The following NELL2 variants were observed in gnomAD, a reference collection of about 807,000 sequenced individuals.
NELL2 encodes neural EGFL like 2, also known as protein kinase C-binding protein NELL2.
In NELL2, 41 loss-of-function variants were observed where a neutral mutation model predicts 109.6. The ratio of observed to expected loss-of-function variants is 0.37; its 90% CI spans 0.29 to 0.49. NELL2 has a LOEUF of 0.49. Among genes scored for constraint, NELL2 ranks in the 20% least tolerant of loss-of-function variants. The pLI is 0.98. For missense variants in NELL2, 900 were observed against 1,008.3 expected, an observed-to-expected ratio of 0.89 and a Z score of 1.45; for synonymous variants, 355 against 344.7, an observed-to-expected ratio of 1.03 and a Z score of -0.33.
At chr12:44,772,776 G>A (rs933608845) in intron 9 of NELL2, among the ~76,000 whole-genome samples, 2 of 151,798 alleles carry the variant, frequency 1.3e-5, no homozygotes, top group African/African-American at 2.4e-5. Context: ...ATCTAATGAG[G>A]GCCTATGGCT....
chr12:44,523,504 G>A lies in NELL2; in HGVS notation c.1805-20C>T. The A allele has an allele frequency of 6.2e-7, 1 of 1,608,564 alleles. No homozygotes were observed. Among genetic ancestry groups the A allele is most frequent in the Non-Finnish European group, 8.5e-7 (1 of 1,178,414 alleles). On this transcript the variant is annotated intron_variant, in intron 16 of 19. Coordinates refer to ENST00000429094, the MANE Select transcript of NELL2 (RefSeq NM_001145108.2). ...CAATATCTATAGACAAGAAAAAGCA[G>A]CACTCAATGTGCTTAGAATATGTGC...
chr12:44,687,542 C>T (rs1435513251), intron 12 of NELL2, among the ~76,000 whole-genome samples: 7 of 152,200 alleles, frequency 4.6e-5, no homozygotes, highest in South Asian at 2.1e-4. Context: ...CTTTGGTGTT[C>T]GTGATAATCT....
At chr12:44,603,171 CT>C (rs1945281007) in intron 15 of NELL2, among the ~76,000 whole-genome samples, 1 of 151,854 alleles carries the variant, frequency 6.6e-6, no homozygotes, top group Non-Finnish European at 1.5e-5. Context: ...TCATCTTATG[CT>C]TTGATATGTG....
At chr12:44,861,042 A>G (rs1485308954) in intron 2 of NELL2, among the ~76,000 whole-genome samples, 1 of 152,208 alleles carries the variant, frequency 6.6e-6, no homozygotes, top group African/African-American at 2.4e-5. Flanking sequence ...CAATTAGAAC[A>G]ACTATCAACA....
intron 9 of NELL2, among the ~76,000 whole-genome samples, chr12:44,753,865 T>C (rs1357506660): frequency 6.6e-6 from 1 of 152,198 alleles, no homozygotes. Flanking sequence ...AATGTTTTGT[T>C]AAAATTTCCC....
intron 15 of NELL2, among the ~76,000 whole-genome samples, chr12:44,606,536 A>G (rs1945407188): frequency 6.6e-6 from 1 of 152,098 alleles, no homozygotes. Context: ...AATTCCCAAG[A>G]TGTGTTTTTC....
intron 15 of NELL2, among the ~76,000 whole-genome samples, chr12:44,586,321 TA>T (rs1393324961): frequency 1.3e-5 from 2 of 150,116 alleles, no homozygotes; most frequent in Admixed American, 6.7e-5. Flanking sequence ...CACATATATA[TA>T]AAATCATATA....
At chr12:44,580,454 C>T (rs879486752) in intron 15 of NELL2, among the ~76,000 whole-genome samples, 1 of 152,104 alleles carries the variant, frequency 6.6e-6, no homozygotes, top group Non-Finnish European at 1.5e-5. Flanking sequence ...CGGTGGCTTA[C>T]GCCTGTAATC....
intron 13 of NELL2, among the ~76,000 whole-genome samples, chr12:44,618,694 T>C (rs1945926330): frequency 6.6e-6 from 1 of 152,176 alleles, no homozygotes; most frequent in Non-Finnish European, 1.5e-5. Flanking sequence ...AAGGAACTTC[T>C]TAATTATTCA....
At chr12:44,854,716 G>GTGGATGGA (rs1205431184) in intron 2 of NELL2, among the ~76,000 whole-genome samples, 1,531 of 146,866 alleles carry the variant, frequency 0.01, 31 homozygotes, top group African/African-American at 0.036. Context: ...GGGTGGGTGG[G>GTGGATGGA]TGGATGGATG....
intron 1 of NELL2, 152 bp from the exon 2 acceptor site, chr12:44,875,505 A>G: frequency 6.2e-7 from 1 of 1,613,974 alleles, no homozygotes; most frequent in Non-Finnish European, 8.5e-7. Context: ...CGAGAGCCTT[A>G]CCTGAGATCA....
At chr12:44,584,871 T>C (rs1249880692) in intron 15 of NELL2, among the ~76,000 whole-genome samples, 1 of 152,174 alleles carries the variant, frequency 6.6e-6, no homozygotes, top group Non-Finnish European at 1.5e-5. Flanking sequence ...TGGATATACC[T>C]GCCATGGGAG....
At chr12:44,655,066 C>T (rs1327546326) in intron 13 of NELL2, among the ~76,000 whole-genome samples, 1 of 152,150 alleles carries the variant, frequency 6.6e-6, no homozygotes, top group African/African-American at 2.4e-5. Context: ...CTTTTATTCC[C>T]CTAGGGGAGT....
upstream of NELL2, among the ~76,000 whole-genome samples, chr12:44,917,528 G>A (rs1277232086): frequency 6.6e-6 from 1 of 152,140 alleles, no homozygotes; most frequent in Non-Finnish European, 1.5e-5. Flanking sequence ...CCCTAGGGTG[G>A]GCCCATGATT....
chr12:44,652,897 C>G (rs763292014), intron 13 of NELL2, among the ~76,000 whole-genome samples: 1 of 152,156 alleles, frequency 6.6e-6, no homozygotes, highest in Non-Finnish European at 1.5e-5. Flanking sequence ...GACTCCTTAT[C>G]TATTTTCAAA....
intron 13 of NELL2, among the ~76,000 whole-genome samples, chr12:44,642,004 T>C (rs904203936): frequency 1.4e-4 from 22 of 152,126 alleles, no homozygotes; most frequent in African/African-American, 5.3e-4. Flanking sequence ...GCCCAGTTTC[T>C]TCATTTTTGG....
intron 14 of NELL2, among the ~76,000 whole-genome samples, chr12:44,608,357 C>T (rs534893648): frequency 6.6e-6 from 1 of 152,070 alleles, no homozygotes; most frequent in African/African-American, 2.4e-5. Context: ...TTGGTTTAAA[C>T]CTCATAAGTG....
chr12:44,712,842 TGATG>T (rs1384094126), intron 10 of NELL2, among the ~76,000 whole-genome samples: 1 of 151,918 alleles, frequency 6.6e-6, no homozygotes, highest in Non-Finnish European at 1.5e-5. Flanking sequence ...CATGTTGAAA[TGATG>T]ATATTTTGGA....
chr12:44,902,489 A>C (rs1238218801), intron 1 of NELL2, among the ~76,000 whole-genome samples: 1 of 152,226 alleles, frequency 6.6e-6, no homozygotes, highest in Non-Finnish European at 1.5e-5. Context: ...AAAGTAATGT[A>C]TAGATTCAAT....
Sources: allele counts gnomAD v4.1 joint callset (sites outside exome capture counted in the v4.1 genomes callset), GRCh38; gene constraint gnomAD v4.1.1; transcripts MANE v1.5; gene names NCBI Gene and HGNC (gene_info 2026-07-23, HGNC 2026-07-21).